CHRM3: variants seen among roughly 807,000 people sequenced by gnomAD.
The protein encoded by CHRM3 is muscarinic acetylcholine receptor M3.
In CHRM3, 11 loss-of-function variants were observed where a neutral mutation model predicts 41.8. That is an observed-to-expected ratio of 0.26 (90% CI 0.17 to 0.44). The LOEUF (loss-of-function observed/expected upper bound fraction) is 0.44, where lower values mean the gene tolerates loss of function less well. Among genes scored for constraint, CHRM3 ranks in the 20% least tolerant of loss-of-function variants. CHRM3 has a pLI of 1.00. For missense variants in CHRM3, 571 were observed against 745.4 expected (o/e 0.77, Z 2.72); for synonymous variants, 297 against 301.4 (o/e 0.99, Z 0.15).
chr1:239,905,726 T>A (rs1239852422), intron 6 of CHRM3, among the ~76,000 whole-genome samples: 1 of 152,116 alleles, frequency 6.6e-6, no homozygotes, highest in African/African-American at 2.4e-5. Flanking sequence ...AATAAGATAA[T>A]GCATATGATG....
chr1:239,843,446 CCTTTTTTT>C (rs1177807782), intron 6 of CHRM3, among the ~76,000 whole-genome samples: 7 of 77,006 alleles, frequency 9.1e-5, no homozygotes, highest in Admixed American at 1.9e-4. Flanking sequence ...CACTCGCTTT[CCTTTTTTT>C]TTTTTTTTTT....
At chr1:239,486,305 C>T (rs1309990458) in intron 1 of CHRM3, among the ~76,000 whole-genome samples, 1 of 152,166 alleles carries the variant, frequency 6.6e-6, no homozygotes, top group East Asian at 1.9e-4. Context: ...CTGTGCTTTG[C>T]TTGGTCTTCA....
At chr1:239,598,306 C>G (rs923467919) in intron 3 of CHRM3, among the ~76,000 whole-genome samples, 4 of 151,986 alleles carry the variant, frequency 2.6e-5, no homozygotes, top group Admixed American at 2.6e-4. Context: ...AAACAAGAAG[C>G]GTGTTATTCC....
chr1:239,778,136 T>G (rs918472725), intron 5 of CHRM3, among the ~76,000 whole-genome samples: 1 of 152,108 alleles, frequency 6.6e-6, no homozygotes, highest in Non-Finnish European at 1.5e-5. Context: ...AAAGAAACAG[T>G]GCTAGGTTGA....
intron 5 of CHRM3, among the ~76,000 whole-genome samples, chr1:239,689,803 TC>T (rs1297758485): frequency 6.6e-6 from 1 of 152,170 alleles, no homozygotes; most frequent in Non-Finnish European, 1.5e-5. Flanking sequence ...ATGTAGATAT[TC>T]CGTGTCCAGG....
intron 1 of CHRM3, among the ~76,000 whole-genome samples, chr1:239,391,141 A>G (rs1247350253): frequency 6.6e-6 from 1 of 152,220 alleles, no homozygotes; most frequent in Non-Finnish European, 1.5e-5. Context: ...CTGTCTCTAC[A>G]TAATCATCAT....
At chr1:239,640,312 A>G (rs137970787) in intron 4 of CHRM3, among the ~76,000 whole-genome samples, 11,348 of 152,084 alleles carry the variant, frequency 0.075, 538 homozygotes, top group African/African-American at 0.13. Flanking sequence ...CTCTTTTTCT[A>G]TTGATTGGAA....
At chr1:239,643,910 C>T (rs1671487806) in intron 4 of CHRM3, among the ~76,000 whole-genome samples, 3 of 152,094 alleles carry the variant, frequency 2.0e-5, no homozygotes, top group Non-Finnish European at 4.4e-5. Flanking sequence ...CGGCCATCTT[C>T]TCATCAAAGT....
intron 4 of CHRM3, among the ~76,000 whole-genome samples, chr1:239,662,893 C>CTTCT (rs1553356875): frequency 9.7e-4 from 45 of 46,400 alleles, no homozygotes; most frequent in African/African-American, 3.3e-3. Flanking sequence ...CTTCCTCCTC[C>CTTCT]TCTTCTTCTT....
intron 3 of CHRM3, among the ~76,000 whole-genome samples, chr1:239,562,561 A>AGATGAT (rs1434752719): frequency 6.6e-6 from 1 of 151,996 alleles, no homozygotes; most frequent in South Asian, 2.1e-4. Flanking sequence ...TGTTCTATTT[A>AGATGAT]GATGATGATG....
At chr1:239,557,998 C>T (rs1660526760) in intron 3 of CHRM3, among the ~76,000 whole-genome samples, 1 of 152,094 alleles carries the variant, frequency 6.6e-6, no homozygotes, top group Admixed American at 6.6e-5. Context: ...GGGTTATATA[C>T]CCACTGATGG....
At chr1:239,906,768 G>A (rs190276901) in intron 6 of CHRM3, among the ~76,000 whole-genome samples, 47 of 152,232 alleles carry the variant, frequency 3.1e-4, no homozygotes, top group African/African-American at 1.1e-3. Flanking sequence ...CATTCAAAAC[G>A]TTCTGCTAAA....
chr1:239,445,195 T>C (rs748615463), intron 1 of CHRM3, among the ~76,000 whole-genome samples: 4 of 152,206 alleles, frequency 2.6e-5, no homozygotes, highest in Non-Finnish European at 4.4e-5. Flanking sequence ...AATGAATACA[T>C]GGGCAATGCT....
intron 3 of CHRM3, among the ~76,000 whole-genome samples, chr1:239,574,868 G>A (rs972213952): frequency 6.6e-6 from 1 of 150,888 alleles, no homozygotes; most frequent in Non-Finnish European, 1.5e-5. Context: ...ATACCCTGTG[G>A]CATATATTAG....
chr1:239,825,428 T>C (rs1293023341), intron 5 of CHRM3, among the ~76,000 whole-genome samples: 2 of 152,220 alleles, frequency 1.3e-5, no homozygotes, highest in Non-Finnish European at 2.9e-5. Flanking sequence ...TTCCATCTTC[T>C]ATAAAGTTCT....
intron 3 of CHRM3, among the ~76,000 whole-genome samples, chr1:239,593,595 G>A (rs1664443947): frequency 6.6e-6 from 1 of 152,104 alleles, no homozygotes; most frequent in African/African-American, 2.4e-5. Context: ...GAACTATGAC[G>A]ATGAATATTA....
At chr1:239,823,765 C>A (rs1013639134) in intron 5 of CHRM3, among the ~76,000 whole-genome samples, 1 of 151,904 alleles carries the variant, frequency 6.6e-6, no homozygotes, top group African/African-American at 2.4e-5. Flanking sequence ...AACAGAAGAC[C>A]CTTTTGTGGT....
intron 3 of CHRM3, among the ~76,000 whole-genome samples, chr1:239,598,707 T>C (rs1245706222): frequency 6.6e-6 from 1 of 152,212 alleles, no homozygotes; most frequent in Non-Finnish European, 1.5e-5. Context: ...AATTTGAATA[T>C]GTCCAAACTG....
intron 3 of CHRM3, among the ~76,000 whole-genome samples, chr1:239,551,057 A>C (rs1426738337): frequency 6.6e-6 from 1 of 150,792 alleles, no homozygotes; most frequent in African/African-American, 2.4e-5. Context: ...ATGCTATATA[A>C]TTTATATATA....
Sources: allele counts gnomAD v4.1 joint callset (sites outside exome capture counted in the v4.1 genomes callset), GRCh38; gene constraint gnomAD v4.1.1; transcripts MANE v1.5; gene names NCBI Gene and HGNC (gene_info 2026-07-23, HGNC 2026-07-21).